Variants in GRAMD1B observed in about 807,000 individuals in gnomAD.
GRAMD1B encodes the protein protein Aster-B.
GRAMD1B carries 37 observed loss-of-function variants against 99.7 expected under a neutral mutation model. That is an observed-to-expected ratio of 0.37 (90% CI 0.29 to 0.49). The LOEUF is 0.49. GRAMD1B is among the 20% of genes least tolerant of loss of function. The pLI is 0.98. For synonymous variants in GRAMD1B, 427 were observed against 387.6 expected (o/e 1.10, Z -1.19); for missense variants, 888 against 1,009.2 (o/e 0.88, Z 1.63).
At chr11:123,440,592 A>G (rs1949361873) in intron 1 of GRAMD1B, among the ~76,000 whole-genome samples, 1 of 152,252 alleles carries the variant, frequency 6.6e-6, no homozygotes, top group Non-Finnish European at 1.5e-5. Context: ...AAAGGAAAAC[A>G]TAATTTTATC....
At chr11:123,504,117 C>A (rs574316978) in intron 2 of GRAMD1B, among the ~76,000 whole-genome samples, 1 of 152,106 alleles carries the variant, frequency 6.6e-6, no homozygotes, top group Non-Finnish European at 1.5e-5. Context: ...TTGCTTGTTG[C>A]GGGGGCGGTC....
At chr11:123,442,020 T>G (rs1320652510) in intron 1 of GRAMD1B, among the ~76,000 whole-genome samples, 1 of 152,146 alleles carries the variant, frequency 6.6e-6, no homozygotes, top group Non-Finnish European at 1.5e-5. Context: ...ATCAAACTGT[T>G]TTTTCTTTCT....
intron 1 of GRAMD1B, among the ~76,000 whole-genome samples, chr11:123,431,521 T>G (rs58979012): frequency 0.11 from 16,869 of 152,348 alleles, 1,075 homozygotes; most frequent in South Asian, 0.14. Flanking sequence ...GCACTTCATG[T>G]ACCTCCAGAT....
chr11:123,619,354 G>C, intron 19 of GRAMD1B, 130 bp downstream of exon 19: 1 of 1,523,914 alleles, frequency 6.6e-7, no homozygotes, highest in Non-Finnish European at 8.8e-7. Context: ...TCTTCCTCCA[G>C]GCCATGCATT....
intron 1 of GRAMD1B, among the ~76,000 whole-genome samples, chr11:123,374,499 G>C (rs982987153): frequency 2.6e-5 from 4 of 152,164 alleles, no homozygotes; most frequent in African/African-American, 9.7e-5. Context: ...ATAAAAGCCT[G>C]AGAGCAGCCT....
At chr11:123,444,473 C>CA (rs1003699041) in intron 1 of GRAMD1B, among the ~76,000 whole-genome samples, 62 of 142,796 alleles carry the variant, frequency 4.3e-4, no homozygotes, top group East Asian at 2.8e-3. Flanking sequence ...GCTTGGGCCT[C>CA]AAAAAAAAAA....
At chr11:123,486,126 A>G (rs1470011212) in intron 2 of GRAMD1B, among the ~76,000 whole-genome samples, 1 of 152,264 alleles carries the variant, frequency 6.6e-6, no homozygotes, top group Non-Finnish European at 1.5e-5. Context: ...AGAATACATG[A>G]GAAAACATTC....
chr11:123,439,631 T>C, intron 1 of GRAMD1B, among the ~76,000 whole-genome samples: 1 of 152,206 alleles, frequency 6.6e-6, no homozygotes, highest in East Asian at 1.9e-4. Flanking sequence ...GTTCTCCAAT[T>C]CTGATCTGTA....
chr11:123,570,694 G>T (rs943301618), intron 2 of GRAMD1B, among the ~76,000 whole-genome samples: 3 of 152,120 alleles, frequency 2.0e-5, no homozygotes, highest in African/African-American at 7.2e-5. Context: ...AAAATTCTGG[G>T]ATTACAGGTG....
At chr11:123,603,181 C>G (rs1002742388) in intron 8 of GRAMD1B, among the ~76,000 whole-genome samples, 8 of 152,318 alleles carry the variant, frequency 5.3e-5, no homozygotes, top group South Asian at 4.1e-4. Context: ...TTCTACAAAC[C>G]TCTGTTGAGG....
intron 1 of GRAMD1B, among the ~76,000 whole-genome samples, chr11:123,382,720 C>T (rs1012420413): frequency 2.6e-5 from 4 of 151,982 alleles, no homozygotes; most frequent in South Asian, 2.1e-4. Context: ...TAATGGGGGG[C>T]GTTTAAGAAA....
intron 1 of GRAMD1B, among the ~76,000 whole-genome samples, chr11:123,404,788 C>T (rs17127342): frequency 0.25 from 37,864 of 152,188 alleles, 7,879 homozygotes; most frequent in African/African-American, 0.58. Context: ...GCAGGCAAGT[C>T]GATACTCATC....
intron 1 of GRAMD1B, among the ~76,000 whole-genome samples, chr11:123,364,458 A>C (rs952457900): frequency 6.6e-6 from 1 of 152,252 alleles, no homozygotes; most frequent in Non-Finnish European, 1.5e-5. Flanking sequence ...TATTAAGGGG[A>C]AGACAGAAGC....
At chr11:123,423,843 G>T (rs1021914501) in intron 1 of GRAMD1B, among the ~76,000 whole-genome samples, 34 of 152,100 alleles carry the variant, frequency 2.2e-4, no homozygotes, top group African/African-American at 7.0e-4. Flanking sequence ...TTGAAATAGG[G>T]CTTTTGATAT....
intron 2 of GRAMD1B, among the ~76,000 whole-genome samples, chr11:123,563,806 A>G (rs1947061330): frequency 6.6e-6 from 1 of 152,220 alleles, no homozygotes; most frequent in Admixed American, 6.5e-5. Context: ...GACAATGAGA[A>G]GGGTGGCAAG....
At chr11:123,421,783 C>T (rs920229098) in intron 1 of GRAMD1B, among the ~76,000 whole-genome samples, 1 of 152,148 alleles carries the variant, frequency 6.6e-6, no homozygotes, top group African/African-American at 2.4e-5. Flanking sequence ...TCTATTTGGA[C>T]ACCCAAAGTT....
intron 9 of GRAMD1B, among the ~76,000 whole-genome samples, chr11:123,604,906 C>T (rs1952494856): frequency 6.6e-6 from 1 of 152,102 alleles, no homozygotes; most frequent in South Asian, 2.1e-4. Flanking sequence ...ACTTAAGGAG[C>T]GCTCATGTCC....
chr11:123,584,405 T>TGGGGTGCGATTGG, intron 4 of GRAMD1B, 73 bp downstream of exon 4: 1 of 338,610 alleles, frequency 3.0e-6, no homozygotes, highest in African/African-American at 2.2e-5. Context: ...GGGGAAGGGG[T>TGGGGTGCGATTGG]GTGGGGTGCG....
In GRAMD1B at chr11:123,413,166, C is replaced by T. The variant is rs991766621; in HGVS notation, c.-176+54367C>T. Among the ~76,000 whole-genome samples, 5 of 152,248 alleles carry T rather than the reference C, an allele frequency of 3.3e-5. No individual in the cohort carries two copies. In the East Asian group the frequency reaches 9.7e-4, roughly 29 times the overall value. Reference sequence around the variant, plus strand: ...AGTATTACCTCCCTGGAATGGACCTCGATTATATCACAGTCTGCCCTGAGC... The same window carrying T: ...AGTATTACCTCCCTGGAATGGACCTTGATTATATCACAGTCTGCCCTGAGC... On this transcript the variant is annotated intron_variant, in intron 1 of 20. Transcript: ENST00000638157.
Sources: gnomAD v4.1 joint callset for allele counts (sites outside exome capture counted in the v4.1 genomes callset) on GRCh38, gnomAD v4.1.1 for gene constraint, MANE v1.5 for transcripts, NCBI Gene and HGNC (gene_info 2026-07-23, HGNC 2026-07-21) for gene names.